TTC17: variants seen among roughly 807,000 people sequenced by gnomAD.
TTC17 encodes tetratricopeptide repeat protein 17.
A neutral mutation model predicts 143.8 loss-of-function variants in TTC17; 58 were observed. The ratio of observed to expected loss-of-function variants is 0.40; its 90% confidence interval spans 0.33 to 0.50. The LOEUF (loss-of-function observed/expected upper bound fraction) is 0.50. Ranked by LOEUF, TTC17 falls within the 20% of genes least tolerant of loss-of-function variation. The pLI is 0.49. For missense variants in TTC17, 1,273 were observed against 1,392.5 expected, an observed-to-expected ratio of 0.91 and a Z score of 1.37; for synonymous variants, 501 against 497.8, an observed-to-expected ratio of 1.01 and a Z score of -0.09.
chr11:43,364,858 T>C (rs188194888), intron 1 of TTC17, among the ~76,000 whole-genome samples: 1 of 152,302 alleles, frequency 6.6e-6, no homozygotes, highest in East Asian at 1.9e-4. Flanking sequence ...CAGGCTGGAG[T>C]ACAGTGGCGT....
intron 16 of TTC17, chr11:43,436,192 C>T: frequency 1.4e-6 from 2 of 1,438,074 alleles, no homozygotes; most frequent in African/African-American, 1.4e-5. Flanking sequence ...CCCTGGACAA[C>T]AGCCATGACA....
intron 11 of TTC17, 27 bp from the exon 12 acceptor site, chr11:43,405,487 T>C: frequency 6.4e-7 from 1 of 1,558,948 alleles, no homozygotes. Context: ...CCAAAGAAAT[T>C]TATGAGAAAT....
At chr11:43,420,622 T>C (rs1037158293) in intron 16 of TTC17, among the ~76,000 whole-genome samples, 1 of 152,176 alleles carries the variant, frequency 6.6e-6, no homozygotes, top group Non-Finnish European at 1.5e-5. Context: ...ATTTCCAGCA[T>C]TTAGCTTTTT....
chr11:43,488,055 A>T (rs576990316), intron 21 of TTC17, among the ~76,000 whole-genome samples: 2 of 152,320 alleles, frequency 1.3e-5, no homozygotes, highest in African/African-American at 4.8e-5. Flanking sequence ...ATTTTGGGGG[A>T]ACATAGTTCA....
chr11:43,424,733 G>A (rs1005894282), intron 16 of TTC17, among the ~76,000 whole-genome samples: 26 of 152,046 alleles, frequency 1.7e-4, no homozygotes, highest in Non-Finnish European at 3.4e-4. Context: ...TTGCATCATC[G>A]TACTCCAGCC....
intron 1 of TTC17, among the ~76,000 whole-genome samples, chr11:43,369,586 A>ATAT (rs1405631401): frequency 6.6e-6 from 1 of 151,200 alleles, no homozygotes; most frequent in East Asian, 1.9e-4. Context: ...TGATGACTTG[A>ATAT]TATCCTGTAA....
intron 19 of TTC17, chr11:43,449,786 T>G (rs1947621081): frequency 3.4e-6 from 1 of 290,852 alleles, no homozygotes; most frequent in Non-Finnish European, 6.4e-6. Flanking sequence ...CGGCTGTATC[T>G]CTATAAGATT....
At chr11:43,390,938 A>G (rs530448170) in intron 3 of TTC17, among the ~76,000 whole-genome samples, 2 of 152,334 alleles carry the variant, frequency 1.3e-5, no homozygotes, top group African/African-American at 2.4e-5. Flanking sequence ...AAAGTCCATG[A>G]TCTTATTCTG....
In TTC17 at chr11:43,412,691, A is replaced by G. The variant is rs1858471211; in HGVS notation, c.2065-1899A>G. On this transcript the variant is annotated intron_variant, in intron 15 of 23. Transcript: ENST00000039989. ...GGAGCATTTTGGATTTTGGATTTTCAGATGGGGATGTACAGCCAGTAAATA... is the reference window on the plus strand; with the variant it reads ...GGAGCATTTTGGATTTTGGATTTTCGGATGGGGATGTACAGCCAGTAAATA... Among the ~76,000 whole-genome samples, 3 of 152,274 alleles carry G rather than the reference A, an allele frequency of 2.0e-5. No individual in the cohort carries two copies. The South Asian group carries it at 6.2e-4, about 32-fold the overall frequency.
chr11:43,444,037 A>G lies in TTC17; in HGVS notation c.2512-19A>G, dbSNP rs773507839. 4 of 1,590,204 alleles carry G rather than the reference A, an allele frequency of 2.5e-6. No homozygotes were observed. Among genetic ancestry groups the G allele is most frequent in the Admixed American group, 1.8e-5 (1 of 54,768 alleles). ...TGATCACTGGTCTCATTTGTCCCTA[A>G]CATGTTTCTGTTTCCCAGATTACAT... On this transcript the variant is annotated intron_variant, in intron 17 of 23. Coordinates refer to ENST00000039989, the MANE Select transcript of TTC17 (RefSeq NM_018259.6).
chr11:43,443,740 T>A (rs563764423), intron 17 of TTC17, among the ~76,000 whole-genome samples, 156 bp downstream of exon 17: 35 of 152,150 alleles, frequency 2.3e-4, no homozygotes, highest in Non-Finnish European at 5.0e-4. Flanking sequence ...AGGAAGCATT[T>A]CATGTTACTT....
chr11:43,402,663 T>C (rs570032909), intron 10 of TTC17, among the ~76,000 whole-genome samples: 1 of 152,172 alleles, frequency 6.6e-6, no homozygotes, highest in Admixed American at 6.5e-5. Context: ...ATTTCACATT[T>C]TTTGATTGGG....
At chr11:43,449,362 T>C (rs1222746072) in intron 19 of TTC17, 1 of 152,276 alleles carries the variant, frequency 6.6e-6, no homozygotes, top group East Asian at 1.9e-4. Context: ...TACTAAACCT[T>C]CTGGCCTCAA....
At chr11:43,448,878 A>G (rs2134748297) in intron 19 of TTC17, 1 of 152,146 alleles carries the variant, frequency 6.6e-6, no homozygotes, top group Non-Finnish European at 1.5e-5. Flanking sequence ...TTTAGTAAAT[A>G]GCTCCAGTAA....
chr11:43,481,067 C>T (rs1410838163), intron 21 of TTC17, among the ~76,000 whole-genome samples: 1 of 146,780 alleles, frequency 6.8e-6, no homozygotes, highest in African/African-American at 2.5e-5. Flanking sequence ...AGGTAGTAGG[C>T]ATAGTTATAT....
intron 9 of TTC17, 46 bp downstream of exon 9, chr11:43,400,094 T>G: frequency 4.4e-6 from 7 of 1,578,164 alleles, no homozygotes; most frequent in Non-Finnish European, 6.0e-6. Flanking sequence ...GGAAATTCAC[T>G]TTTAGCATGC....
intron 1 of TTC17, 24 bp downstream of exon 1, chr11:43,359,137 C>T (rs755724978): frequency 1.9e-6 from 3 of 1,558,076 alleles, no homozygotes; most frequent in Admixed American, 1.9e-5. Context: ...CGTCCCTCTT[C>T]TCCCGTGCCC....
intron 21 of TTC17, among the ~76,000 whole-genome samples, chr11:43,472,896 T>C (rs1256615997): frequency 6.6e-6 from 1 of 150,634 alleles, no homozygotes; most frequent in Non-Finnish European, 1.5e-5. Flanking sequence ...ATCTCCAGTC[T>C]GGGTGCGGTG....
chr11:43,446,895 A>G (rs907544151), intron 18 of TTC17, among the ~76,000 whole-genome samples: 3 of 152,226 alleles, frequency 2.0e-5, no homozygotes, highest in Non-Finnish European at 4.4e-5. Flanking sequence ...AGCTTTAAAT[A>G]GCTTGTTGAT....
Sources: gnomAD v4.1 joint callset for allele counts (sites outside exome capture counted in the v4.1 genomes callset) on GRCh38, gnomAD v4.1.1 for gene constraint, MANE v1.5 for transcripts, NCBI Gene and HGNC (gene_info 2026-07-23, HGNC 2026-07-21) for gene names.